The following ZNF678 variants were observed in gnomAD, a reference collection of about 807,000 sequenced individuals.
ZNF678 encodes the protein hypothetical protein MGC42493.
Under a neutral mutation model 3.0 loss-of-function variants are expected in ZNF678, and 5 were observed. The observed-to-expected ratio is 1.69, with a 90% confidence interval of 0.88 to 3.56. ZNF678 has a LOEUF of 3.56. ZNF678 is among the 30% of genes most tolerant of loss of function. The pLI is 0.00. For synonymous variants in ZNF678, 218 were observed against 199.6 expected, an observed-to-expected ratio of 1.09 and a Z score of -0.78; for missense variants, 593 against 605.0, an observed-to-expected ratio of 0.98 and a Z score of 0.21.
intron 1 of ZNF678, among the ~76,000 whole-genome samples, chr1:227,590,255 C>T (rs1214548778): frequency 6.6e-6 from 1 of 151,790 alleles, no homozygotes; most frequent in African/African-American, 2.4e-5. Context: ...TTAACTGTAT[C>T]TTCGACTACT....
downstream of ZNF678, among the ~76,000 whole-genome samples, chr1:227,663,643 A>T (rs1173095978): frequency 6.6e-6 from 1 of 152,246 alleles, no homozygotes; most frequent in Non-Finnish European, 1.5e-5. Flanking sequence ...AAAGATACTC[A>T]GGGCCTAGTG....
intron 1 of ZNF678, among the ~76,000 whole-genome samples, chr1:227,629,608 C>T (rs1299138237): frequency 4.6e-5 from 7 of 152,216 alleles, no homozygotes; most frequent in African/African-American, 9.6e-5. Context: ...AACCTCCAGG[C>T]CTTCAATGGT....
At chr1:227,651,165 G>A (rs1659083308) in intron 3 of ZNF678, 89 bp downstream of exon 3, 1 of 1,427,756 alleles carries the variant, frequency 7.0e-7, no homozygotes, top group Non-Finnish European at 9.5e-7. Context: ...TCCTAAGGTT[G>A]TTGGCAGGGT....
rs538803729 is a variant in ZNF678, at chr1:227,576,555, G to A, written c.-164+12831G>A. On this transcript the variant is annotated intron_variant, in intron 1 of 3. Transcript: ENST00000343776. ...AGAGGCATACATAATATTTTCTAATGATTGGTTGTATTTCTGTGGCATCAG... is the reference window on the plus strand; with the variant it reads ...AGAGGCATACATAATATTTTCTAATAATTGGTTGTATTTCTGTGGCATCAG... Among the ~76,000 whole-genome samples the A allele has an allele frequency of 3.4e-3, 518 of 152,238 alleles. 13 individuals carry two copies. Among genetic ancestry groups the A allele is most frequent in the South Asian group, 0.029 (142 of 4,816 alleles).
intron 1 of ZNF678, chr1:227,599,108 A>G: frequency 6.3e-7 from 1 of 1,591,268 alleles, no homozygotes; most frequent in Non-Finnish European, 8.6e-7. Flanking sequence ...TGATCTCGCC[A>G]TTGCTATTGG....
chr1:227,646,463 T>C, intron 1 of ZNF678, 81 bp from the exon 2 acceptor site: 1 of 1,291,244 alleles, frequency 7.7e-7, no homozygotes, highest in Non-Finnish European at 1.0e-6. Context: ...AAGTTCACTT[T>C]ACTCTCTTCA....
At chr1:227,576,364 T>G (rs1032058985) in intron 1 of ZNF678, among the ~76,000 whole-genome samples, 1 of 152,166 alleles carries the variant, frequency 6.6e-6, no homozygotes, top group Non-Finnish European at 1.5e-5. Context: ...ATTCAGCTGT[T>G]AATTTGTCTT....
chr1:227,655,971 A>G lies in ZNF678; in HGVS notation c.*143A>G. The G allele has an allele frequency of 1.7e-6, 1 of 580,008 alleles. No homozygotes were observed. Among genetic ancestry groups the G allele is most frequent in the South Asian group, 5.2e-5 (1 of 19,066 alleles). 35.9% of individuals were successfully genotyped at this position (580,008 alleles called of 1,614,324 possible). A position where few individuals can be genotyped will look rare whatever the true frequency, so the allele number is the denominator to read the frequency against. ...TGAATGAAATTTATAAATATAAAAG[A>G]TTACAATATCTTTATTTCAAAGATC... On this transcript the variant is annotated 3_prime_UTR_variant, in exon 4 of 4. Coordinates refer to ENST00000343776, the MANE Select transcript of ZNF678 (RefSeq NM_001367909.1).
At position 227,563,711 on chromosome 1, in the gene ZNF678, AAAG is replaced by A; in HGVS notation, c.-176_-174del. On this transcript the variant is annotated 5_prime_UTR_variant, in exon 1 of 4. Coordinates refer to ENST00000343776, the MANE Select transcript of ZNF678 (RefSeq NM_001367909.1). ...ATAGCTAAGATGCCAGGACACCCCG[AAAG>A]CCGGAAAACGGTGAGAGTTCCCGGG... 7.5e-7 allele frequency: 1 copy of A among 1,330,840 alleles called. No homozygotes were observed. The highest frequency in any genetic ancestry group is 1.2e-5 in the South Asian group (1 of 83,284). The allele number at this position is 1,330,840 out of a possible 1,614,324, so 82.4% of individuals were successfully genotyped here.
chr1:227,648,818 C>T (rs553741475), intron 2 of ZNF678, among the ~76,000 whole-genome samples: 3 of 149,634 alleles, frequency 2.0e-5, no homozygotes, highest in South Asian at 2.1e-4. Flanking sequence ...GGTGACAGAG[C>T]GAGACTCCAT....
chr1:227,584,146 C>T (rs897717134), intron 1 of ZNF678, among the ~76,000 whole-genome samples: 3 of 152,094 alleles, frequency 2.0e-5, no homozygotes, highest in East Asian at 1.9e-4. Context: ...CATTTTGTTG[C>T]AGAGCTTTAT....
chr1:227,635,770 G>T (rs970746719), intron 1 of ZNF678, among the ~76,000 whole-genome samples: 1 of 152,050 alleles, frequency 6.6e-6, no homozygotes, highest in Non-Finnish European at 1.5e-5. Flanking sequence ...CTCTCTTGCT[G>T]CTTCTGCTAT....
At chr1:227,616,155 GTTTACCTATTTTC>G (rs1171766916) in intron 1 of ZNF678, among the ~76,000 whole-genome samples, 1 of 152,140 alleles carries the variant, frequency 6.6e-6, no homozygotes, top group East Asian at 1.9e-4. Context: ...AGGAACACCT[GTTTACCTATTTTC>G]TTACCCACCT....
At chr1:227,607,744 T>TTATAATATACATTTATTA (rs1400669193) in intron 1 of ZNF678, among the ~76,000 whole-genome samples, 2 of 148,102 alleles carry the variant, frequency 1.4e-5, no homozygotes, top group Admixed American at 6.8e-5. Flanking sequence ...TATATTTATT[T>TTATAATATACATTTATTA]TATAATATAC....
At chr1:227,634,918 C>T (rs1658635313) in intron 1 of ZNF678, among the ~76,000 whole-genome samples, 1 of 152,116 alleles carries the variant, frequency 6.6e-6, no homozygotes, top group Non-Finnish European at 1.5e-5. Flanking sequence ...GGGTAAGACT[C>T]AGTGCTTTGC....
intron 1 of ZNF678, chr1:227,599,042 C>G: frequency 6.3e-7 from 1 of 1,578,916 alleles, no homozygotes. Flanking sequence ...CCAGGTAGGC[C>G]TTGGTCGATT....
rs967712126 is a variant in ZNF678, at chr1:227,656,546, A to G, written c.*718A>G. The G allele has an allele frequency of 1.7e-4, 26 of 151,878 alleles. No homozygotes were observed. Among genetic ancestry groups the G allele is most frequent in the African/African-American group, 5.1e-4 (21 of 41,412 alleles). The allele number at this position is 151,878 out of a possible 1,614,324, so 9.4% of individuals were successfully genotyped here. On this transcript the variant is annotated 3_prime_UTR_variant, in exon 4 of 4. Transcript: ENST00000343776. ...CATAAGAGCTATGAGAAGTTCTTCT[A>G]TATTAGATGACCATCATTTATATGC...
chr1:227,608,023 A>C (rs1329088455), intron 1 of ZNF678, among the ~76,000 whole-genome samples: 1 of 151,774 alleles, frequency 6.6e-6, no homozygotes, highest in Non-Finnish European at 1.5e-5. Context: ...TATTGTGGTA[A>C]CCAGAGTATA....
Position 227,565,752 on chromosome 1 carries a change from C to T in ZNF678, c.-164+2028C>T, listed in dbSNP as rs116098088. Among the ~76,000 whole-genome samples the T allele has an allele frequency of 4.0e-3, 616 of 152,274 alleles. 5 individuals carry two copies. Among genetic ancestry groups the T allele is most frequent in the African/African-American group, 0.014 (568 of 41,550 alleles). ...TTACAGCTGGTTGTATCCTCAGCCACTCTTTTTTATTTTTATTTATTTTTT... is the reference window on the plus strand; with the variant it reads ...TTACAGCTGGTTGTATCCTCAGCCATTCTTTTTTATTTTTATTTATTTTTT... On this transcript the variant is annotated intron_variant, in intron 1 of 3. Coordinates refer to ENST00000343776, the MANE Select transcript of ZNF678 (RefSeq NM_001367909.1).
Sources: gnomAD v4.1 joint callset for allele counts (sites outside exome capture counted in the v4.1 genomes callset) on GRCh38, gnomAD v4.1.1 for gene constraint, MANE v1.5 for transcripts, NCBI Gene and HGNC (gene_info 2026-07-23, HGNC 2026-07-21) for gene names.